The following TBCE variants were observed in gnomAD, a reference collection of about 807,000 sequenced individuals.
TBCE encodes tubulin-specific chaperone E.
A neutral mutation model predicts 77.0 loss-of-function variants in TBCE; 53 were observed. The observed-to-expected ratio is 0.69, with a 90% CI of 0.55 to 0.87. The LOEUF (loss-of-function observed/expected upper bound fraction) is 0.87. Among genes scored for constraint, TBCE ranks in the 40% least tolerant of loss-of-function variants. TBCE has a pLI of 0.00. For synonymous variants in TBCE, 235 were observed against 241.3 expected (o/e 0.97, Z 0.24); for missense variants, 624 against 622.4 (o/e 1.00, Z -0.03).
chr1:235,434,727 G>A (rs1681319617), intron 8 of TBCE, among the ~76,000 whole-genome samples: 1 of 151,672 alleles, frequency 6.6e-6, no homozygotes, highest in African/African-American at 2.4e-5. Context: ...TAGTAGAGAC[G>A]GGGTTTCACC....
At position 235,448,892 on chromosome 1, in the gene TBCE, G is replaced by T. The variant is rs1682693318; in HGVS notation, c.*130G>T. The T allele has an allele frequency of 1.3e-6, 1 of 742,906 alleles. No individual in the cohort carries two copies. The highest frequency in any genetic ancestry group is 2.3e-6 in the Non-Finnish European group (1 of 427,336). The allele number at this position is 742,906 out of a possible 1,614,324, so 46.0% of individuals were successfully genotyped here. ...TACAACTTGTCCTAAGTATAACAAG[G>T]GATGTATTTTTTGTTGGGAAGTGAC... On this transcript the variant is annotated 3_prime_UTR_variant, in exon 17 of 17. Transcript: ENST00000642610.
At chr1:235,420,982 A>G (rs1422714921) in intron 5 of TBCE, among the ~76,000 whole-genome samples, 1 of 152,222 alleles carries the variant, frequency 6.6e-6, no homozygotes, top group Non-Finnish European at 1.5e-5. Context: ...AGCTGAATGC[A>G]GTTTGTTATA....
intron 3 of TBCE, among the ~76,000 whole-genome samples, chr1:235,407,496 G>T (rs897051346): frequency 2.6e-5 from 4 of 152,194 alleles, no homozygotes; most frequent in Admixed American, 2.6e-4. Flanking sequence ...GTGAGTGACA[G>T]TGGTGGGTAA....
chr1:235,416,804 A>G (rs558691451), intron 4 of TBCE, among the ~76,000 whole-genome samples: 1 of 152,300 alleles, frequency 6.6e-6, no homozygotes, highest in Admixed American at 6.5e-5. Context: ...TTGGCTGGAG[A>G]TTAGTCAATT....
chr1:235,445,394 C>G (rs1682182131), intron 15 of TBCE, among the ~76,000 whole-genome samples: 1 of 152,096 alleles, frequency 6.6e-6, no homozygotes, highest in Non-Finnish European at 1.5e-5. Flanking sequence ...TTTGGGAGGC[C>G]AAGGTGGGCA....
chr1:235,419,709 A>T lies in TBCE; in HGVS notation c.460+148A>T, dbSNP rs183395569. On this transcript the variant is annotated intron_variant, in intron 5 of 16. Transcript: ENST00000642610. The stretch of plus-strand genomic sequence containing the variant: ...TTTGCTTGGTGTAGTTGGGGCCCAG[A>T]TAAATTATTTACCTTCCCAGACCCC... 279 of 1,138,102 alleles carry T rather than the reference A, an allele frequency of 2.5e-4. 1 individual carries two copies. In the African/African-American group the frequency reaches 3.8e-3, roughly 15 times the overall value. 70.5% of individuals were successfully genotyped at this position (1,138,102 alleles called of 1,614,324 possible).
intron 8 of TBCE, among the ~76,000 whole-genome samples, chr1:235,434,751 T>G (rs544131065): frequency 5.3e-5 from 8 of 152,114 alleles, no homozygotes; most frequent in Admixed American, 2.0e-4. Flanking sequence ...TTTTACGGGG[T>G]TTCACCATCT....
At chr1:235,445,656 A>G (rs1682208228) in intron 15 of TBCE, among the ~76,000 whole-genome samples, 1 of 152,094 alleles carries the variant, frequency 6.6e-6, no homozygotes, top group African/African-American at 2.4e-5. Flanking sequence ...AAAACAAAAC[A>G]AAACTGCAAT....
chr1:235,448,815 C>G lies in TBCE; in HGVS notation c.*53C>G. 1.5e-6 allele frequency: 2 copies of G among 1,300,454 alleles called. No homozygotes were observed. The highest frequency in any genetic ancestry group is 2.2e-6 in the Non-Finnish European group (2 of 899,682). The allele number at this position is 1,300,454 out of a possible 1,614,324, so 80.6% of individuals were successfully genotyped here. On this transcript the variant is annotated 3_prime_UTR_variant, in exon 17 of 17. Transcript: ENST00000642610. ...CACTGCTTATCGTGTCTGGGGTTCA[C>G]CGGAAATAAATGATTCACTGGAACA...
chr1:235,391,106 T>G (rs1678359192), intron 2 of TBCE, among the ~76,000 whole-genome samples: 1 of 152,130 alleles, frequency 6.6e-6, no homozygotes, highest in African/African-American at 2.4e-5. Context: ...GATTAATTCC[T>G]ACAAGTAGAA....
chr1:235,386,532 G>A (rs1241315536), intron 2 of TBCE, among the ~76,000 whole-genome samples: 2 of 150,588 alleles, frequency 1.3e-5, no homozygotes, highest in East Asian at 1.9e-4. Context: ...TTCCCTTCTC[G>A]CTTCATTTCA....
Position 235,374,326 on chromosome 1 carries a change from C to T in TBCE, c.-31-5693C>T, listed in dbSNP as rs1030492442. 4.1e-5 allele frequency among the ~76,000 whole-genome samples: 6 copies of T among 145,440 alleles called. 1 individual carries two copies. The highest frequency in any genetic ancestry group is 1.9e-4 in the East Asian group (1 of 5,190). On this transcript the variant is annotated intron_variant, in intron 1 of 16. Transcript: ENST00000642610. ...AGGTCAGGCCACATCTGGAATGTGG[C>T]GTTCAGTTCTAGATATCGCAATTTA...
chr1:235,418,116 C>T (rs1398691390), intron 4 of TBCE, among the ~76,000 whole-genome samples: 1 of 152,170 alleles, frequency 6.6e-6, no homozygotes, highest in Non-Finnish European at 1.5e-5. Context: ...CTTATTTCAC[C>T]TAGCATAATA....
At chr1:235,438,744 T>A in intron 12 of TBCE, 25 bp from the exon 13 acceptor site, 5 of 1,614,132 alleles carry the variant, frequency 3.1e-6, no homozygotes, top group Non-Finnish European at 4.2e-6. Context: ...TGTAATAGGC[T>A]TGTTTTTATG....
At chr1:235,445,487 T>C (rs1682191247) in intron 15 of TBCE, among the ~76,000 whole-genome samples, 1 of 152,000 alleles carries the variant, frequency 6.6e-6, no homozygotes, top group Non-Finnish European at 1.5e-5. Flanking sequence ...AATACAAAAA[T>C]TAGCTGGGTG....
intron 2 of TBCE, among the ~76,000 whole-genome samples, chr1:235,388,187 C>A (rs1312724019): frequency 2.0e-5 from 3 of 151,292 alleles, no homozygotes; most frequent in Admixed American, 2.0e-4. Context: ...TGTTTATAGA[C>A]AAGAAGACCA....
intron 2 of TBCE, among the ~76,000 whole-genome samples, chr1:235,388,159 T>C (rs899503858): frequency 6.6e-6 from 1 of 152,194 alleles, no homozygotes; most frequent in African/African-American, 2.4e-5. Flanking sequence ...CCTTAAAATA[T>C]AGATGTTACT....
intron 15 of TBCE, among the ~76,000 whole-genome samples, chr1:235,445,849 C>T (rs934688112): frequency 1.3e-5 from 2 of 152,148 alleles, no homozygotes; most frequent in African/African-American, 4.8e-5. Flanking sequence ...AATCTAAGTA[C>T]TTGCCAGCGG....
In TBCE at chr1:235,436,415, G is replaced by A; in HGVS notation, c.863G>A (p.Gly288Glu). 1.2e-6 allele frequency: 2 copies of A among 1,613,990 alleles called. No homozygotes were observed. The highest frequency in any genetic ancestry group is 2.2e-5 in the South Asian group (2 of 91,068). Residue 288 changes from glycine (G) to glutamate (E), a missense_variant, in exon 10 of 17, where the codon GGA (glycine) becomes GAA (glutamate). Transcript: ENST00000642610. ...GAACAATTAATCCTCTCTGACACTG[G>A]AATTTCTTCTCTACATTTTCCGGAT... Reference protein sequence around the residue: ...RLEQLILSDTGISSLHFPDAG... With the variant: ...RLEQLILSDTEISSLHFPDAG...
Sources: allele counts gnomAD v4.1 joint callset (sites outside exome capture counted in the v4.1 genomes callset), GRCh38; gene constraint gnomAD v4.1.1; transcripts MANE v1.5; gene names NCBI Gene and HGNC (gene_info 2026-07-23, HGNC 2026-07-21).